The following CLPB variants were observed in gnomAD, a reference collection of about 807,000 sequenced individuals.
CLPB encodes mitochondrial disaggregase.
A neutral mutation model predicts 78.4 loss-of-function variants in CLPB; 40 were observed. The observed-to-expected ratio is 0.51, with a 90% CI of 0.40 to 0.66. The LOEUF is 0.66. Ranked by LOEUF, CLPB falls within the 30% of genes least tolerant of loss-of-function variation. CLPB has a pLI of 0.00. For missense variants in CLPB, 780 were observed against 886.9 expected (o/e 0.88, Z 1.53); for synonymous variants, 333 against 348.0 (o/e 0.96, Z 0.48).
intron 3 of CLPB, among the ~76,000 whole-genome samples, chr11:72,395,854 AG>A (rs1484830001): frequency 1.3e-5 from 2 of 152,160 alleles, no homozygotes; most frequent in Non-Finnish European, 2.9e-5. Context: ...AAGGAAGCAG[AG>A]CCTCCCAGGG....
chr11:72,403,043 T>C lies in CLPB; in HGVS notation c.465A>G (p.Ser155=), dbSNP rs138171096. Residue 155 remains serine (S), a synonymous_variant, in exon 3 of 16, where the codon TCA becomes TCG. Coordinates refer to ENST00000538039, the MANE Select transcript of CLPB (RefSeq NM_001258392.3). ...GCTTTGCATTGACATCTGCACCTTC[T>C]GACAACAGCCTAAAACAAGACAGAG... ...NNMQEVSRLL[S]EGADVNAKHR... 4.1e-5 allele frequency: 66 copies of C among 1,613,236 alleles called. No individual in the cohort carries two copies. The African/African-American group carries it at 6.3e-4, about 15-fold the overall frequency.
chr11:72,429,033 C>T (rs974814237), intron 2 of CLPB: 1 of 152,128 alleles, frequency 6.6e-6, no homozygotes, highest in African/African-American at 2.4e-5. Flanking sequence ...ACAGGTGATT[C>T]CAGGGTCAGC....
chr11:72,330,275 G>C (rs1267934486), intron 5 of CLPB, among the ~76,000 whole-genome samples: 1 of 152,086 alleles, frequency 6.6e-6, no homozygotes, highest in African/African-American at 2.4e-5. Flanking sequence ...TATGCTCTCT[G>C]ACCTCTGGGC....
chr11:72,399,279 T>C, intron 3 of CLPB, among the ~76,000 whole-genome samples: 1 of 151,958 alleles, frequency 6.6e-6, no homozygotes, highest in East Asian at 1.9e-4. Flanking sequence ...ACTACTATTT[T>C]ATGTATGATT....
rs1474813396 is a variant in CLPB at position 72,312,800 on chromosome 11, CA to C, written c.989-4197del. Among the ~76,000 whole-genome samples, 1 of 152,034 alleles carries C rather than the reference CA, an allele frequency of 6.6e-6. No individual in the cohort carries two copies. The highest frequency in any genetic ancestry group is 1.5e-5 in the Non-Finnish European group (1 of 68,022). The stretch of plus-strand genomic sequence containing the variant: ...TGCGGCGGCTCTCACAAAGAGGCCT[CA>C]AAAAAGGTGCGTGCCATAGAGGTAA... On this transcript the variant is annotated intron_variant, in intron 7 of 15. Coordinates refer to ENST00000538039, the MANE Select transcript of CLPB (RefSeq NM_001258392.3). This position sits in a 1 kb window ranked among gnomAD's most constrained non-coding sequence, Gnocchi z 4.2.
intron 7 of CLPB, among the ~76,000 whole-genome samples, chr11:72,313,968 T>G (rs1337806892): frequency 6.6e-6 from 1 of 152,192 alleles, no homozygotes; most frequent in Non-Finnish European, 1.5e-5. Flanking sequence ...CAAGCAGTTT[T>G]GTAAGTTAAT....
chr11:72,400,127 C>T (rs1315204815), intron 3 of CLPB, among the ~76,000 whole-genome samples: 1 of 152,188 alleles, frequency 6.6e-6, no homozygotes, highest in Non-Finnish European at 1.5e-5. Flanking sequence ...CAAAGGACCA[C>T]AACTAATACA....
chr11:72,370,673 G>A (rs996390631), intron 4 of CLPB, among the ~76,000 whole-genome samples: 3 of 152,228 alleles, frequency 2.0e-5, no homozygotes, highest in African/African-American at 7.2e-5. Flanking sequence ...ACAAGAGCAG[G>A]AGGCAGTTCT....
chr11:72,360,859 G>A (rs1404275308), intron 4 of CLPB, among the ~76,000 whole-genome samples: 1 of 152,126 alleles, frequency 6.6e-6, no homozygotes, highest in African/African-American at 2.4e-5. Context: ...TTTTATAGAT[G>A]AGGAAACTGA....
chr11:72,430,557 A>G lies in CLPB; in HGVS notation c.404-194T>C, dbSNP rs1395891211. 8 of 575,764 alleles carry G rather than the reference A, an allele frequency of 1.4e-5. 1 individual carries two copies. Among genetic ancestry groups the G allele is most frequent in the Non-Finnish European group, 2.2e-5 (7 of 321,498 alleles). 35.7% of individuals were successfully genotyped at this position (575,764 alleles called of 1,614,324 possible). On this transcript the variant is annotated intron_variant, in intron 1 of 15. Transcript: ENST00000538039. The stretch of plus-strand genomic sequence containing the variant: ...GTCCACTGTTAACAACCTGACTTCC[A>G]CACCTTTCTACTACAGAGCCCAAAC...
At chr11:72,381,104 A>G (rs1171990666) in intron 3 of CLPB, among the ~76,000 whole-genome samples, 1 of 152,220 alleles carries the variant, frequency 6.6e-6, no homozygotes, top group East Asian at 1.9e-4. Flanking sequence ...GAGAGATTAT[A>G]GCACCTGGGC....
At chr11:72,343,383 A>T (rs1950456586) in intron 5 of CLPB, among the ~76,000 whole-genome samples, 2 of 152,134 alleles carry the variant, frequency 1.3e-5, no homozygotes, top group Non-Finnish European at 2.9e-5. Flanking sequence ...ATAATATCAA[A>T]TGTTATAGGC....
chr11:72,360,714 G>C (rs888994521), intron 4 of CLPB, among the ~76,000 whole-genome samples: 1 of 152,176 alleles, frequency 6.6e-6, no homozygotes, highest in African/African-American at 2.4e-5. Context: ...TGGGATTACA[G>C]GCGTGAGCCA....
intron 2 of CLPB, among the ~76,000 whole-genome samples, chr11:72,408,653 C>T (rs1387023816): frequency 2.5e-5 from 3 of 121,348 alleles, no homozygotes; most frequent in Non-Finnish European, 4.9e-5. Context: ...GGTGACAGGG[C>T]AAGACTCTGT....
In CLPB at chr11:72,293,343, C is replaced by A; in HGVS notation, c.*24G>T. The A allele has an allele frequency of 1.2e-6, 2 of 1,608,488 alleles. No homozygotes were observed. The highest frequency in any genetic ancestry group is 1.7e-6 in the Non-Finnish European group (2 of 1,176,224). The stretch of plus-strand genomic sequence containing the variant: ...AGGGGCCTTTATTGGATGGTGAGGG[C>A]ACATAGGAGCAGGCAGGTGGCTGCT... On this transcript the variant is annotated 3_prime_UTR_variant, in exon 16 of 16. Coordinates refer to ENST00000538039, the MANE Select transcript of CLPB (RefSeq NM_001258392.3).
chr11:72,423,553 C>A (rs1565099341), intron 2 of CLPB, among the ~76,000 whole-genome samples: 2 of 152,170 alleles, frequency 1.3e-5, no homozygotes, highest in Admixed American at 6.5e-5. Context: ...CTGGACTACT[C>A]CAGCTACTTT....
intron 5 of CLPB, among the ~76,000 whole-genome samples, chr11:72,353,633 C>T (rs2135595377): frequency 6.6e-6 from 1 of 152,262 alleles, no homozygotes; most frequent in Non-Finnish European, 1.5e-5. Context: ...CAAAAAAAGA[C>T]ACAGGCCTGG....
intron 4 of CLPB, among the ~76,000 whole-genome samples, chr11:72,378,387 AG>A (rs1397171536): frequency 2.6e-5 from 4 of 152,204 alleles, no homozygotes; most frequent in African/African-American, 9.7e-5. Context: ...TCATGGCAGG[AG>A]GTAAAAGGCA....
At chr11:72,307,297 A>T in intron 8 of CLPB, 43 bp from the exon 9 acceptor site, 1 of 1,507,686 alleles carries the variant, frequency 6.6e-7, no homozygotes, top group Non-Finnish European at 9.2e-7. Flanking sequence ...GAACCAGGTG[A>T]CTAACCGCTG....
Sources: gnomAD v4.1 joint callset for allele counts (sites outside exome capture counted in the v4.1 genomes callset) on GRCh38, gnomAD v4.1.1 for gene constraint, Gnocchi (gnomAD v3.1) non-coding constraint, MANE v1.5 for transcripts, NCBI Gene and HGNC (gene_info 2026-07-23, HGNC 2026-07-21) for gene names.